The following CELSR1 variants were observed in gnomAD, a reference collection of about 807,000 sequenced individuals.
CELSR1 encodes the protein adhesion G protein-coupled receptor C1.
In CELSR1, 110 loss-of-function variants were observed where a neutral mutation model predicts 249.1. The ratio of observed to expected loss-of-function variants is 0.44; its 90% confidence interval spans 0.38 to 0.52. CELSR1 has a LOEUF of 0.52. CELSR1 is among the 20% of genes least tolerant of loss of function. CELSR1 has a pLI of 0.00. For synonymous variants in CELSR1, 2,113 were observed against 1,900.0 expected (o/e 1.11, Z -2.92); for missense variants, 4,109 against 4,296.4 (o/e 0.96, Z 1.22).
intron 27 of CELSR1, among the ~76,000 whole-genome samples, chr22:46,368,920 G>A (rs2078818375): frequency 6.6e-6 from 1 of 152,004 alleles, no homozygotes; most frequent in Non-Finnish European, 1.5e-5. Flanking sequence ...CAGGCGGGAG[G>A]GACTGAGGCC....
In CELSR1 at chr22:46,464,078, C is replaced by T. The variant is rs371680205; in HGVS notation, c.3812G>A (p.Arg1271His). 39 of 1,613,660 alleles carry T rather than the reference C, an allele frequency of 2.4e-5. No individual in the cohort carries two copies. The highest frequency in any genetic ancestry group is 3.0e-5 in the Non-Finnish European group (35 of 1,180,054). ...GTCCTCCGACGGGAAGAACTGGCCGCGGACGCCGCCAGGCAGCAGCGCCGA... is the reference window on the plus strand; with the variant it reads ...GTCCTCCGACGGGAAGAACTGGCCGTGGACGCCGCCAGGCAGCAGCGCCGA... ...TFSALLPGGV[R>H]GQFFPSEDLQ... is the part of the protein sequence containing the mutation. The change falls in exon 2 of 35, where the codon CGC (arginine) becomes CAC (histidine). Residue 1271 changes from arginine to histidine, a missense_variant. Coordinates refer to ENST00000674500, the MANE Select transcript of CELSR1 (RefSeq NM_001378328.1). This position sits in a 1 kb window ranked among gnomAD's most constrained non-coding sequence, Gnocchi z 8.5.
chr22:46,363,251 C>T lies in CELSR1; in HGVS notation c.9036-4G>A, dbSNP rs887513161. The T allele has an allele frequency of 2.4e-5, 39 of 1,611,600 alleles. No homozygotes were observed. Among genetic ancestry groups the T allele is most frequent in the African/African-American group, 5.4e-5 (4 of 74,566 alleles). On this transcript the variant is annotated splice_polypyrimidine_tract_variant and splice_region_variant and intron_variant, in intron 34 of 34. Coordinates refer to ENST00000674500, the MANE Select transcript of CELSR1 (RefSeq NM_001378328.1). The surrounding 1 kb of genome is among the most constrained non-coding windows in gnomAD (Gnocchi z 4.3). ...AATTGAAGTTTCATTACTGCCTCTG[C>T]GCGTGGGAAGAAGCCAGCAAGCAGG... is the stretch of plus-strand genomic sequence containing the variant.
rs2079566753 is a variant in CELSR1, at chr22:46,429,130, C to T, written c.4611+4263G>A. ...TGCAGCCCCGAGGATCCCCATCCTT[C>T]CAGACGGCCCCTCCCTAGCACTGTC... On this transcript the variant is annotated intron_variant, in intron 5 of 34. Coordinates refer to ENST00000674500, the MANE Select transcript of CELSR1 (RefSeq NM_001378328.1). This position sits in a 1 kb window ranked among gnomAD's most constrained non-coding sequence, Gnocchi z 4.1. 6.6e-6 allele frequency among the ~76,000 whole-genome samples: 1 copy of T among 152,168 alleles called. No homozygotes were observed. The highest frequency in any genetic ancestry group is 6.5e-5 in the Admixed American group (1 of 15,284).
At position 46,534,794 on chromosome 22, in the gene CELSR1, G is replaced by A. The variant is rs1265745747; in HGVS notation, c.2377C>T (p.His793Tyr). The change falls in exon 1 of 35, where the codon CAT becomes TAT. Residue 793 changes from histidine to tyrosine, a missense_variant. His to Tyr is a moderately conservative substitution (Grantham distance 83). This residue lies in a region of CELSR1 where 886 missense variants were observed against 896.5 expected (regional missense o/e 0.99). Transcript: ENST00000674500. This position sits in a 1 kb window ranked among gnomAD's most constrained non-coding sequence, Gnocchi z 9.7. ...TCCTCACTGACACTCACTGTGTAAT[G>A]GGAGCTCTGAAAGACAGGCCTGTGG... ...NTHRPVFQSSHYTVSVSEDRP... is the reference protein window; with the variant it reads ...NTHRPVFQSSYYTVSVSEDRP... 6.2e-7 allele frequency: 1 copy of A among 1,613,194 alleles called. No homozygotes were observed.
In CELSR1 at chr22:46,407,299, A is replaced by T. The variant is rs1318968247; in HGVS notation, c.5226+1697T>A. On this transcript the variant is annotated intron_variant, in intron 9 of 34. Transcript: ENST00000674500. This position sits in a 1 kb window ranked among gnomAD's most constrained non-coding sequence, Gnocchi z 4.8. The stretch of plus-strand genomic sequence containing the variant: ...GAGAGATGCACATACACAGACTGAC[A>T]TGCACACACACTTGCACGGAGATAT... Among the ~76,000 whole-genome samples, 1 of 152,202 alleles carries T rather than the reference A, an allele frequency of 6.6e-6. No homozygotes were observed. Among genetic ancestry groups the T allele is most frequent in the Non-Finnish European group, 1.5e-5 (1 of 68,036 alleles).
rs1053900591 is a variant in CELSR1, at chr22:46,398,414, C to T, written c.5526+110G>A. On this transcript the variant is annotated intron_variant, in intron 11 of 34. Coordinates refer to ENST00000674500, the MANE Select transcript of CELSR1 (RefSeq NM_001378328.1). This position sits in a 1 kb window ranked among gnomAD's most constrained non-coding sequence, Gnocchi z 7.2. Reference sequence around the variant, plus strand: ...GGGGATGCCTGTCAGACAAATTCTTCACTCGTTGAAAGCTAACAGGTTGAC... The same window carrying T: ...GGGGATGCCTGTCAGACAAATTCTTTACTCGTTGAAAGCTAACAGGTTGAC... 3 of 686,776 alleles carry T rather than the reference C, an allele frequency of 4.4e-6. No individual in the cohort carries two copies. Among genetic ancestry groups the T allele is most frequent in the Admixed American group, 6.3e-5 (2 of 31,944 alleles). The allele number at this position is 686,776 out of a possible 1,614,324, so 42.5% of individuals were successfully genotyped here. A position where few individuals can be genotyped will look rare whatever the true frequency, so the allele number is the denominator to read the frequency against.
At chr22:46,498,611 CAA>C (rs35803268) in intron 1 of CELSR1, among the ~76,000 whole-genome samples, 32 of 109,046 alleles carry the variant, frequency 2.9e-4, no homozygotes, top group African/African-American at 4.4e-4. Context: ...GACTCTGTCT[CAA>C]AAAAAAAAAA....
intron 1 of CELSR1, among the ~76,000 whole-genome samples, chr22:46,497,843 A>G (rs2080427552): frequency 6.6e-6 from 1 of 152,226 alleles, no homozygotes; most frequent in Non-Finnish European, 1.5e-5. Context: ...TATTGAGCTC[A>G]CACAGAAGAG....
rs188280399 is a variant in CELSR1 at position 46,471,888 on chromosome 22, C to T, written c.3545-7543G>A. On this transcript the variant is annotated intron_variant, in intron 1 of 34. Transcript: ENST00000674500. The surrounding 1 kb of genome is among the most constrained non-coding windows in gnomAD (Gnocchi z 4.9). Reference sequence around the variant, plus strand: ...GGACCTGTACAGTTTTCAGGGGCTGCGGTCTGTGGCCTTCAGGTGATGACG... The same window carrying T: ...GGACCTGTACAGTTTTCAGGGGCTGTGGTCTGTGGCCTTCAGGTGATGACG... Among the ~76,000 whole-genome samples the T allele has an allele frequency of 8.5e-4, 129 of 152,272 alleles. No homozygotes were observed. Among genetic ancestry groups the T allele is most frequent in the Non-Finnish European group, 5.1e-4 (35 of 68,022 alleles).
At position 46,410,349 on chromosome 22, in the gene CELSR1, C is replaced by T. The variant is rs766578707; in HGVS notation, c.4933+49G>A. On this transcript the variant is annotated intron_variant, in intron 7 of 34. Coordinates refer to ENST00000674500, the MANE Select transcript of CELSR1 (RefSeq NM_001378328.1). The surrounding 1 kb of genome is among the most constrained non-coding windows in gnomAD (Gnocchi z 6.8). ...TGACCTCTGTGTGGCTGCCGACGTC[C>T]AGCCAGATGCCACTGCGGCAGCTCC... is the stretch of plus-strand genomic sequence containing the variant. The T allele has an allele frequency of 1.9e-6, 3 of 1,593,300 alleles. No homozygotes were observed. Among genetic ancestry groups the T allele is most frequent in the East Asian group, 2.3e-5 (1 of 44,326 alleles).
chr22:46,431,857 C>G (rs2079599739), intron 5 of CELSR1, among the ~76,000 whole-genome samples: 1 of 152,232 alleles, frequency 6.6e-6, no homozygotes. Context: ...CCCTGAGCCC[C>G]TCACCCCACC....
rs116689774 is a variant in CELSR1 at position 46,445,954 on chromosome 22, G to A, written c.4184-6543C>T. ...GCACAGCCACAAGCCCCCTCGCCTC[G>A]CGGCCCCTGCTCCTGCCGCACAGCC... On this transcript the variant is annotated intron_variant, in intron 2 of 34. Transcript: ENST00000674500. The surrounding 1 kb of genome is among the most constrained non-coding windows in gnomAD (Gnocchi z 4.4). Among the ~76,000 whole-genome samples the A allele has an allele frequency of 7.2e-3, 1,100 of 152,056 alleles. 9 individuals are homozygous for A. Among genetic ancestry groups the A allele is most frequent in the African/African-American group, 0.025 (1,029 of 41,470 alleles).
rs1569179827 is a variant in CELSR1, at chr22:46,460,200, CACACACACACA to C, written c.4183+3496_4183+3506del. On this transcript the variant is annotated intron_variant, in intron 2 of 34. Transcript: ENST00000674500. ...CAAAACACACACACACACACACACA[CACACACACACA>C]CACACCCATTAGCTACAGTCCCTGC... 5.3e-3 allele frequency among the ~76,000 whole-genome samples: 645 copies of C among 122,008 alleles called. 3 individuals carry two copies. The highest frequency in any genetic ancestry group is 0.019 in the African/African-American group (606 of 31,236). 80.0% of individuals were successfully genotyped at this position (122,008 alleles called of 152,430 possible).
intron 20 of CELSR1, among the ~76,000 whole-genome samples, chr22:46,383,540 C>CG (rs2079001306): frequency 6.6e-6 from 1 of 152,008 alleles, no homozygotes; most frequent in Admixed American, 6.6e-5. Flanking sequence ...AGCTTTCCCC[C>CG]CAACCAGACA....
intron 27 of CELSR1, among the ~76,000 whole-genome samples, chr22:46,368,541 A>G (rs1216942516): frequency 6.6e-6 from 1 of 151,736 alleles, no homozygotes; most frequent in Admixed American, 6.6e-5. Flanking sequence ...CTGCGCAAGC[A>G]TTATCCCTTC....
chr22:46,481,539 G>A, intron 1 of CELSR1: 4 of 1,299,856 alleles, frequency 3.1e-6, no homozygotes, highest in Non-Finnish European at 3.3e-6. Flanking sequence ...GCTCACTGGT[G>A]ATCAAAGCCT....
intron 5 of CELSR1, among the ~76,000 whole-genome samples, chr22:46,422,780 ATG>A (rs2079492449): frequency 2.7e-5 from 4 of 148,572 alleles, no homozygotes; most frequent in African/African-American, 1.0e-4. Flanking sequence ...AAAAAAAAAA[ATG>A]GCTCATAGTC....
Position 46,535,744 on chromosome 22 carries a change from G to T in CELSR1, c.1427C>A (p.Thr476Lys), listed in dbSNP as rs758958784. The T allele has an allele frequency of 4.3e-6, 7 of 1,612,442 alleles. No homozygotes were observed. The highest frequency in any genetic ancestry group is 3.3e-5 in the South Asian group (3 of 91,078). Residue 476 changes from threonine (T) to lysine (K), a missense_variant, in exon 1 of 35, where the codon ACG becomes AAG. By Grantham distance (78) the Thr-to-Lys change is moderately conservative. This residue lies in a region of CELSR1 where 135 missense variants were observed against 190.0 expected (regional missense o/e 0.71). Coordinates refer to ENST00000674500, the MANE Select transcript of CELSR1 (RefSeq NM_001378328.1). ...VQVPEDVGLNTAVLRVQATDR... is the reference protein window; with the variant it reads ...VQVPEDVGLNKAVLRVQATDR... ...CGTGGCCTGCACTCGCAGCACAGCCGTGTTGAGCCCCACGTCCTCGGGCAC... is the reference window on the plus strand; with the variant it reads ...CGTGGCCTGCACTCGCAGCACAGCCTTGTTGAGCCCCACGTCCTCGGGCAC...
At chr22:46,520,070 C>T (rs1162858801) in intron 1 of CELSR1, among the ~76,000 whole-genome samples, 1 of 151,822 alleles carries the variant, frequency 6.6e-6, no homozygotes, top group Admixed American at 6.6e-5. Flanking sequence ...GATGGGGTTT[C>T]ACCAGGTTGG....
Sources: allele counts gnomAD v4.1 joint callset (sites outside exome capture counted in the v4.1 genomes callset), GRCh38; gene constraint gnomAD v4.1.1; regional missense constraint gnomAD v4.1.1; non-coding constraint Gnocchi (gnomAD v3.1); transcripts MANE v1.5; gene names NCBI Gene and HGNC (gene_info 2026-07-23, HGNC 2026-07-21).